The following GRIA1 variants were observed in gnomAD, a reference collection of about 807,000 sequenced individuals.
GRIA1 encodes glutamate receptor 1.
GRIA1 carries 31 observed loss-of-function variants against 99.2 expected under a neutral mutation model. The observed-to-expected ratio is 0.31, with a 90% confidence interval of 0.23 to 0.42. The LOEUF (loss-of-function observed/expected upper bound fraction) is 0.42. GRIA1 is among the 10% of genes least tolerant of loss of function. The pLI is 1.00. For synonymous variants in GRIA1, 438 were observed against 432.4 expected (o/e 1.01, Z -0.16); for missense variants, 782 against 1,157.5 (o/e 0.68, Z 4.71).
intron 13 of GRIA1, among the ~76,000 whole-genome samples, chr5:153,774,673 T>C (rs145262993): frequency 6.6e-6 from 1 of 152,306 alleles, no homozygotes; most frequent in East Asian, 1.9e-4. Context: ...ATTCACTCTC[T>C]TACAGCCTGC....
intron 9 of GRIA1, among the ~76,000 whole-genome samples, chr5:153,698,598 CA>C (rs5872335): frequency 0.71 from 107,224 of 151,932 alleles, 38,232 homozygotes; most frequent in East Asian, 0.96. Flanking sequence ...GAGGTATTTC[CA>C]AAAAAAATAC....
At chr5:153,496,905 T>G (rs1311025791) in intron 2 of GRIA1, among the ~76,000 whole-genome samples, 2 of 152,170 alleles carry the variant, frequency 1.3e-5, no homozygotes, top group African/African-American at 4.8e-5. Flanking sequence ...TAATTTTTGC[T>G]GTCATTTGAT....
chr5:153,633,988 G>T (rs543361138), intron 2 of GRIA1, among the ~76,000 whole-genome samples: 1 of 151,998 alleles, frequency 6.6e-6, no homozygotes, highest in African/African-American at 2.4e-5. Context: ...TAGAGATAAG[G>T]TATGATGGAA....
chr5:153,782,259 G>A (rs144126689), intron 13 of GRIA1, among the ~76,000 whole-genome samples: 12 of 152,278 alleles, frequency 7.9e-5, no homozygotes, highest in Non-Finnish European at 1.2e-4. Context: ...TTCACACAGC[G>A]AGTAAGTGGC....
chr5:153,778,776 CA>C (rs889526189), intron 13 of GRIA1, among the ~76,000 whole-genome samples: 1 of 151,786 alleles, frequency 6.6e-6, no homozygotes, highest in African/African-American at 2.4e-5. Context: ...AAGAAAACAG[CA>C]GAAAGCTTTC....
At chr5:153,690,525 G>A (rs1476731853) in intron 8 of GRIA1, among the ~76,000 whole-genome samples, 1 of 152,138 alleles carries the variant, frequency 6.6e-6, no homozygotes, top group Non-Finnish European at 1.5e-5. Flanking sequence ...CTTGTAGTAA[G>A]GGATTCGGAA....
intron 14 of GRIA1, among the ~76,000 whole-genome samples, chr5:153,796,798 C>T (rs1306317214): frequency 3.3e-5 from 5 of 150,838 alleles, no homozygotes; most frequent in Admixed American, 1.3e-4. Context: ...CCCCACCCCC[C>T]GGCTTGTTTT....
chr5:153,530,705 A>G (rs1477312344), intron 2 of GRIA1, among the ~76,000 whole-genome samples: 4 of 152,194 alleles, frequency 2.6e-5, no homozygotes, highest in Admixed American at 6.5e-5. Flanking sequence ...TTACCTCCCT[A>G]TGTCCTTGAG....
At chr5:153,580,554 T>G (rs1454625971) in intron 2 of GRIA1, among the ~76,000 whole-genome samples, 1 of 152,200 alleles carries the variant, frequency 6.6e-6, no homozygotes, top group Admixed American at 6.5e-5. Flanking sequence ...TCTCTCTTGG[T>G]GAAATGGTTT....
intron 2 of GRIA1, among the ~76,000 whole-genome samples, chr5:153,555,392 T>C (rs1476466635): frequency 6.6e-6 from 1 of 152,030 alleles, no homozygotes; most frequent in Non-Finnish European, 1.5e-5. Flanking sequence ...TGAGGCACAT[T>C]ATTTTAGGAA....
At chr5:153,809,491 A>G (rs906514722) in intron 15 of GRIA1, among the ~76,000 whole-genome samples, 6 of 152,228 alleles carry the variant, frequency 3.9e-5, no homozygotes, top group African/African-American at 1.4e-4. Context: ...CAAGGATAGC[A>G]GGGGAAAAAA....
At chr5:153,518,194 C>T (rs1172149824) in intron 2 of GRIA1, among the ~76,000 whole-genome samples, 1 of 152,194 alleles carries the variant, frequency 6.6e-6, no homozygotes, top group Non-Finnish European at 1.5e-5. Flanking sequence ...CTTCAACATC[C>T]TTCAAAGCAT....
intron 15 of GRIA1, among the ~76,000 whole-genome samples, chr5:153,803,224 C>G (rs895341081): frequency 6.6e-6 from 1 of 152,136 alleles, no homozygotes; most frequent in African/African-American, 2.4e-5. Context: ...GCTAGAATAT[C>G]CCAAAAAGTA....
chr5:153,797,981 C>A (rs1026558380), intron 14 of GRIA1, among the ~76,000 whole-genome samples: 1 of 152,168 alleles, frequency 6.6e-6, no homozygotes. Flanking sequence ...TGATCCCAGA[C>A]CCTCTAGAAA....
chr5:153,535,059 TTACA>T (rs1758440851), intron 2 of GRIA1, among the ~76,000 whole-genome samples: 1 of 152,126 alleles, frequency 6.6e-6, no homozygotes, highest in African/African-American at 2.4e-5. Context: ...GTAGCTCGGA[TTACA>T]GGCATGCATC....
intron 11 of GRIA1, among the ~76,000 whole-genome samples, chr5:153,739,951 T>C (rs923960853): frequency 2.6e-5 from 4 of 152,240 alleles, no homozygotes. Context: ...CCATTTCCAT[T>C]ATGATTTATG....
chr5:153,648,719 A>ATACCATAT (rs1754329583), intron 3 of GRIA1, among the ~76,000 whole-genome samples: 1 of 152,220 alleles, frequency 6.6e-6, no homozygotes, highest in Non-Finnish European at 1.5e-5. Context: ...TTGAGGCCAG[A>ATACCATAT]TACCATATTG....
At chr5:153,771,629 A>G (rs1390698825) in intron 13 of GRIA1, among the ~76,000 whole-genome samples, 1 of 152,234 alleles carries the variant, frequency 6.6e-6, no homozygotes, top group Non-Finnish European at 1.5e-5. Flanking sequence ...GAGAACATCT[A>G]CTTCCTGCAA....
chr5:153,739,004 G>A (rs1463632056), intron 11 of GRIA1, among the ~76,000 whole-genome samples: 1 of 150,948 alleles, frequency 6.6e-6, no homozygotes, highest in African/African-American at 2.4e-5. Flanking sequence ...TTACAGGTGT[G>A]AGCCACCACA....
Sources: allele counts gnomAD v4.1 joint callset (sites outside exome capture counted in the v4.1 genomes callset), GRCh38; gene constraint gnomAD v4.1.1; transcripts MANE v1.5; gene names NCBI Gene and HGNC (gene_info 2026-07-23, HGNC 2026-07-21).